The following KLHL28 variants were observed in gnomAD, a reference collection of about 807,000 sequenced individuals.
KLHL28 encodes the protein kelch like family member 28.
Under a neutral mutation model 48.3 loss-of-function variants are expected in KLHL28, and 22 were observed. The observed-to-expected ratio is 0.46, with a 90% CI of 0.33 to 0.65. The LOEUF (loss-of-function observed/expected upper bound fraction) is 0.65. KLHL28 is among the 30% of genes least tolerant of loss of function. The pLI is 0.03. For missense variants in KLHL28, 527 were observed against 704.3 expected (o/e 0.75, Z 2.85); for synonymous variants, 243 against 242.4 (o/e 1.00, Z -0.02).
Position 44,926,119 on chromosome 14 carries a change from A to C in KLHL28, c.*2909T>G, listed in dbSNP as rs1281683573. 6 of 152,248 alleles carry C rather than the reference A, an allele frequency of 3.9e-5. No homozygotes were observed. Among genetic ancestry groups the C allele is most frequent in the African/African-American group, 1.4e-4 (6 of 41,470 alleles). 9.4% of individuals were successfully genotyped at this position (152,248 alleles called of 1,614,324 possible). A position where few individuals can be genotyped will look rare whatever the true frequency, so the allele number is the denominator to read the frequency against. On this transcript the variant is annotated 3_prime_UTR_variant, in exon 5 of 5. Transcript: ENST00000396128. ...TTCACAATTTGTCAGCAGAGTGTTC[A>C]TAATGAAACTTCTCACAAATTTGTA...
intron 3 of KLHL28, among the ~76,000 whole-genome samples, chr14:44,932,980 A>G (rs1017232559): frequency 1.6e-4 from 25 of 152,330 alleles, no homozygotes; most frequent in African/African-American, 5.5e-4. Flanking sequence ...GATCCACCCC[A>G]TCCCAAGGAT....
intron 1 of KLHL28, among the ~76,000 whole-genome samples, chr14:44,947,938 CT>C (rs34684144): frequency 1.3e-5 from 2 of 152,058 alleles, no homozygotes; most frequent in Admixed American, 6.6e-5. Flanking sequence ...CCAGTAGGTA[CT>C]TTTTTTCCAG....
At chr14:44,940,653 A>AC (rs976420334) in intron 2 of KLHL28, among the ~76,000 whole-genome samples, 8 of 151,662 alleles carry the variant, frequency 5.3e-5, no homozygotes, top group African/African-American at 1.2e-4. Context: ...CTTGCTTTCA[A>AC]CCCCCCCGCC....
At chr14:44,929,759 A>G (rs1483024061) in intron 4 of KLHL28, among the ~76,000 whole-genome samples, 1 of 152,198 alleles carries the variant, frequency 6.6e-6, no homozygotes, top group Non-Finnish European at 1.5e-5. Context: ...GGCAGCGGTG[A>G]GCTATGACTG....
chr14:44,946,319 T>C, intron 1 of KLHL28, among the ~76,000 whole-genome samples: 1 of 152,126 alleles, frequency 6.6e-6, no homozygotes, highest in East Asian at 1.9e-4. Flanking sequence ...AAAGTAAAAT[T>C]ATATGTAGAA....
At chr14:44,948,529 A>G (rs533925519) in intron 1 of KLHL28, among the ~76,000 whole-genome samples, 1 of 152,232 alleles carries the variant, frequency 6.6e-6, no homozygotes, top group Non-Finnish European at 1.5e-5. Context: ...CACTTATCTC[A>G]GAAGTTTACC....
At chr14:44,939,814 G>A (rs937870915) in intron 2 of KLHL28, among the ~76,000 whole-genome samples, 11 of 152,000 alleles carry the variant, frequency 7.2e-5, no homozygotes, top group African/African-American at 1.7e-4. Flanking sequence ...TTCTATTCAC[G>A]GCAATCTAGG....
chr14:44,960,975 T>G (rs1885052173), intron 1 of KLHL28: 1 of 1,186,808 alleles, frequency 8.4e-7, no homozygotes, highest in African/African-American at 1.5e-5. Flanking sequence ...CACGAGTCAT[T>G]CAAAAGTAAT....
In KLHL28 at chr14:44,945,175, GT is replaced by G; in HGVS notation, c.753del (p.Lys251AsnfsTer4). 1 of 1,614,092 alleles carries G rather than the reference GT, an allele frequency of 6.2e-7. No individual in the cohort carries two copies. Among genetic ancestry groups the G allele is most frequent in the Admixed American group, 1.7e-5 (1 of 60,014 alleles). On this transcript the variant is annotated frameshift_variant, in exon 2 of 5. Transcript: ENST00000396128. LOFTEE classifies it high-confidence loss of function. The part of the protein sequence containing the change: ...NHLIRDDRTC[K>X]HLLNEALKYH... Reference sequence around the variant, plus strand: ...TACTTTAGGGCTTCATTCAAAAGATGTTTACAAGTGCGATCATCACGAATAA... The same window carrying G: ...TACTTTAGGGCTTCATTCAAAAGATGTTACAAGTGCGATCATCACGAATAA...
intron 2 of KLHL28, among the ~76,000 whole-genome samples, chr14:44,941,616 G>A (rs1417803284): frequency 7.2e-5 from 9 of 125,686 alleles, no homozygotes; most frequent in Admixed American, 2.7e-4. Context: ...CAACAACAGC[G>A]AAACTCTGTC....
chr14:44,933,610 A>G (rs1301630625), intron 3 of KLHL28, among the ~76,000 whole-genome samples: 3 of 152,218 alleles, frequency 2.0e-5, no homozygotes, highest in Non-Finnish European at 2.9e-5. Flanking sequence ...TACAGAATAC[A>G]GATATCACAA....
intron 1 of KLHL28, among the ~76,000 whole-genome samples, chr14:44,956,800 G>A (rs1206350996): frequency 6.6e-6 from 1 of 152,032 alleles, no homozygotes; most frequent in Non-Finnish European, 1.5e-5. Context: ...ATTTTTTGTT[G>A]CTAAATAGTG....
chr14:44,936,926 A>G (rs1164039881), intron 2 of KLHL28, among the ~76,000 whole-genome samples: 1 of 152,168 alleles, frequency 6.6e-6, no homozygotes, highest in Non-Finnish European at 1.5e-5. Flanking sequence ...ACAAAGACTC[A>G]TTGGAGGGTG....
chr14:44,959,098 T>C (rs945951627), intron 1 of KLHL28, among the ~76,000 whole-genome samples: 1 of 151,834 alleles, frequency 6.6e-6, no homozygotes, highest in African/African-American at 2.4e-5. Flanking sequence ...TTAAAAAATA[T>C]ATAATCAAAT....
chr14:44,958,082 T>C (rs1369141613), intron 1 of KLHL28, among the ~76,000 whole-genome samples: 1 of 151,320 alleles, frequency 6.6e-6, no homozygotes, highest in East Asian at 1.9e-4. Flanking sequence ...GTTCTTTTTT[T>C]TTTTTTTTAA....
At chr14:44,957,961 G>C (rs560175870) in intron 1 of KLHL28, among the ~76,000 whole-genome samples, 2 of 151,452 alleles carry the variant, frequency 1.3e-5, no homozygotes, top group East Asian at 3.9e-4. Flanking sequence ...AAAATACACA[G>C]GGCTTTAAAA....
chr14:44,951,250 G>C (rs896965454), intron 1 of KLHL28, among the ~76,000 whole-genome samples: 2 of 152,204 alleles, frequency 1.3e-5, no homozygotes, highest in Non-Finnish European at 2.9e-5. Context: ...AAATAGAGAG[G>C]TGAGTGGAAA....
At position 44,947,020 on chromosome 14, in the gene KLHL28, A is replaced by T. The variant is rs537404888; in HGVS notation, c.1-1092T>A. On this transcript the variant is annotated intron_variant, in intron 1 of 4. Coordinates refer to ENST00000396128, the MANE Select transcript of KLHL28 (RefSeq NM_017658.5). ...TGGTAGGCAGAATAATGGCTCCCCA[A>T]ATGACATTCACATCCCTATCCCTGG... is the stretch of plus-strand genomic sequence containing the variant. Among the ~76,000 whole-genome samples the T allele has an allele frequency of 1.2e-4, 18 of 152,330 alleles. 1 individual carries two copies. The East Asian group carries it at 2.3e-3, about 20-fold the overall frequency.
At chr14:44,933,717 A>G (rs970757141) in intron 3 of KLHL28, among the ~76,000 whole-genome samples, 2 of 152,214 alleles carry the variant, frequency 1.3e-5, no homozygotes, top group Non-Finnish European at 2.9e-5. Flanking sequence ...TAAGTTTATG[A>G]TGTGCTATAA....
Sources: gnomAD v4.1 joint callset for allele counts (sites outside exome capture counted in the v4.1 genomes callset) on GRCh38, gnomAD v4.1.1 for gene constraint, MANE v1.5 for transcripts, NCBI Gene and HGNC (gene_info 2026-07-23, HGNC 2026-07-21) for gene names.